Variants in PAN2 observed in about 807,000 individuals in gnomAD.
PAN2 encodes the protein PAN2-PAN3 deadenylation complex catalytic subunit PAN2.
Under a neutral mutation model 133.3 loss-of-function variants are expected in PAN2, and 68 were observed. The observed-to-expected ratio is 0.51, with a 90% CI of 0.42 to 0.62. The LOEUF (loss-of-function observed/expected upper bound fraction) is 0.62. PAN2 is among the 20% of genes least tolerant of loss of function. PAN2 has a pLI of 0.00. For missense variants in PAN2, 1,042 were observed against 1,500.5 expected, an observed-to-expected ratio of 0.69 and a Z score of 5.05; for synonymous variants, 462 against 544.6, an observed-to-expected ratio of 0.85 and a Z score of 2.11.
intron 20 of PAN2, among the ~76,000 whole-genome samples, chr12:56,320,834 G>C (rs1214666125): frequency 6.6e-6 from 1 of 150,620 alleles, no homozygotes; most frequent in Non-Finnish European, 1.5e-5. Flanking sequence ...GAAGGCCAAG[G>C]AGGGTGGATC....
rs756450889 is a variant in PAN2, at chr12:56,319,226, A to G, written c.3271-45T>C. 10 of 1,613,876 alleles carry G rather than the reference A, an allele frequency of 6.2e-6. 1 individual carries two copies. In the East Asian group the frequency reaches 2.2e-4, roughly 36 times the overall value. ...GGGAGACTTAAGGTAGGGGACCTAT[A>G]ATTCCCCATTCTCTAAAGGCACAAT... On this transcript the variant is annotated intron_variant, in intron 23 of 25. Coordinates refer to ENST00000440411, the MANE Select transcript of PAN2 (RefSeq NM_014871.6). This position sits in a 1 kb window ranked among gnomAD's most constrained non-coding sequence, Gnocchi z 5.4.
chr12:56,333,907 C>T lies in PAN2; in HGVS notation c.-160G>A, dbSNP rs556188136. On this transcript the variant is annotated 5_prime_UTR_variant, in exon 1 of 26. Coordinates refer to ENST00000440411, the MANE Select transcript of PAN2 (RefSeq NM_014871.6). The stretch of plus-strand genomic sequence containing the variant: ...TATTTTGGAGCGCGTGGAATTAGAA[C>T]GAGTAGGGGGAGCGCAAGCGCTGTC... 3.9e-5 allele frequency: 6 copies of T among 152,364 alleles called. No homozygotes were observed. The highest frequency in any genetic ancestry group is 2.1e-4 in the South Asian group (1 of 4,826). 9.4% of individuals were successfully genotyped at this position (152,364 alleles called of 1,614,324 possible).
rs895261361 is a variant in PAN2, at chr12:56,323,176, C to A, written c.2379G>T (p.Val793=). 3.7e-6 allele frequency: 6 copies of A among 1,614,196 alleles called. No homozygotes were observed. In the South Asian group the frequency reaches 6.6e-5, roughly 18 times the overall value. The change falls in exon 17 of 26, where the codon GTG becomes GTT. Residue 793 remains valine, a synonymous_variant. Transcript: ENST00000440411. ...KELGSPEGVL[V]CPSIEELKNV... ...TCTTCAACTCCTCAATGGAGGGACACACCAGCACACCCTCTGGACTCCCTA... is the reference window on the plus strand; with the variant it reads ...TCTTCAACTCCTCAATGGAGGGACAAACCAGCACACCCTCTGGACTCCCTA...
chr12:56,323,567 T>A lies in PAN2; in HGVS notation c.2204A>T (p.Asp735Val), dbSNP rs138946880. The stretch of plus-strand genomic sequence containing the variant: ...CACCTCACAATTGATGACAAGAATA[T>A]CTGGCAGATGGCGGATGTTGCGGGT... The part of the protein sequence containing the change: ...IQTRNIRHLP[D>V]ILVINCEVNS... Residue 735 changes from aspartate to valine, a missense_variant, in exon 15 of 26, where the codon GAT (aspartate) becomes GTT (valine). By Grantham distance (152) the Asp-to-Val change is radical. Coordinates refer to ENST00000440411, the MANE Select transcript of PAN2 (RefSeq NM_014871.6). 1.2e-6 allele frequency: 2 copies of A among 1,614,060 alleles called. No individual in the cohort carries two copies. The highest frequency in any genetic ancestry group is 2.7e-5 in the African/African-American group (2 of 74,924).
In PAN2 at chr12:56,319,521, G is replaced by A. The variant is rs915638912; in HGVS notation, c.3091-34C>T. On this transcript the variant is annotated intron_variant, in intron 22 of 25. Coordinates refer to ENST00000440411, the MANE Select transcript of PAN2 (RefSeq NM_014871.6). This position sits in a 1 kb window ranked among gnomAD's most constrained non-coding sequence, Gnocchi z 5.4. ...AGAGAAAAGGACAAGCCTTTTTCAG[G>A]AAGTGAGATGGAGTCTTCCCCTATC... The A allele has an allele frequency of 1.3e-6, 2 of 1,599,902 alleles. No individual in the cohort carries two copies. Among genetic ancestry groups the A allele is most frequent in the Admixed American group, 1.7e-5 (1 of 58,252 alleles).
Position 56,322,167 on chromosome 12 carries a change from T to G in PAN2, c.2699A>C (p.His900Pro). The change falls in exon 20 of 26, where the codon CAT becomes CCT. Residue 900 changes from histidine to proline, a missense_variant and splice_region_variant. Around this residue, in one of 3 missense-constraint regions of PAN2, gnomAD observed 908 missense variants for 1,223.5 expected, o/e 0.74. Coordinates refer to ENST00000440411, the MANE Select transcript of PAN2 (RefSeq NM_014871.6). ...ATTCATGTCAAACTGCACAGCTTCA[T>G]GCTATAGAAGAGAAAAAGCACTTAT... ...NDFLIEPIDK[H>P]EAVQFDMNWK... 6.3e-7 allele frequency: 1 copy of G among 1,590,362 alleles called. No individual in the cohort carries two copies. The highest frequency in any genetic ancestry group is 8.6e-7 in the Non-Finnish European group (1 of 1,158,708).
intron 8 of PAN2, 68 bp downstream of exon 8, chr12:56,326,245 G>A: frequency 7.1e-7 from 1 of 1,408,836 alleles, no homozygotes; most frequent in South Asian, 1.4e-5. Context: ...AGAAAGACTA[G>A]TAAAGGAAAA....
At position 56,318,341 on chromosome 12, in the gene PAN2, C is replaced by T; in HGVS notation, c.3458G>A (p.Gly1153Asp). Residue 1153 changes from glycine to aspartate, a missense_variant, in exon 25 of 26, where the codon GGC (glycine) becomes GAC (aspartate). By Grantham distance (94) the Gly-to-Asp change is moderately conservative (BLOSUM62 -1). This residue lies in a region of PAN2 where 85 missense variants were observed against 116.5 expected (regional missense o/e 0.73). Transcript: ENST00000440411. ...CTTGTGGAAAGACTCAGGCTCAGTG[C>T]CATTTTTGCTTAGCTCCAGATACTT... ...YRKYLELSKN[G>D]TEPESFHKVL... 6.2e-7 allele frequency: 1 copy of T among 1,614,044 alleles called. No individual in the cohort carries two copies. Among genetic ancestry groups the T allele is most frequent in the Non-Finnish European group, 8.5e-7 (1 of 1,179,922 alleles).
chr12:56,320,365 C>T (rs537025029), intron 20 of PAN2, among the ~76,000 whole-genome samples: 21 of 152,260 alleles, frequency 1.4e-4, no homozygotes, highest in African/African-American at 3.6e-4. Flanking sequence ...TAGCCAGGCG[C>T]GGTGGCTAAT....
intron 2 of PAN2, among the ~76,000 whole-genome samples, chr12:56,331,537 C>G (rs898982790): frequency 6.6e-6 from 1 of 152,176 alleles, no homozygotes; most frequent in African/African-American, 2.4e-5. Flanking sequence ...GTCCTGTAAA[C>G]TCCTTGAGGG....
At chr12:56,331,649 A>G (rs2136002125) in intron 2 of PAN2, among the ~76,000 whole-genome samples, 1 of 152,154 alleles carries the variant, frequency 6.6e-6, no homozygotes, top group East Asian at 1.9e-4. Context: ...ATCCCTTCTA[A>G]TGGAAAAACA....
rs761304003 is a variant in PAN2, at chr12:56,326,700, C to G, written c.1179G>C (p.Leu393=). The G allele has an allele frequency of 6.2e-7, 1 of 1,613,990 alleles. No individual in the cohort carries two copies. The highest frequency in any genetic ancestry group is 8.5e-7 in the Non-Finnish European group (1 of 1,179,980). Residue 393 remains leucine (L), a synonymous_variant, in exon 7 of 26, where the codon CTG becomes CTC. Transcript: ENST00000440411. Reference sequence around the variant, plus strand: ...GTGGGACAGGGATGAGGGAAAGAGGCAGCAGGTCCTGGCTCCAGTCCAGAG... The same window carrying G: ...GTGGGACAGGGATGAGGGAAAGAGGGAGCAGGTCCTGGCTCCAGTCCAGAG... ...LPPLDWSQDL[L]PLSLIPVPLT...
chr12:56,324,612 A>G lies in PAN2; in HGVS notation c.1697T>C (p.Met566Thr), dbSNP rs1345939184. The G allele has an allele frequency of 6.2e-7, 1 of 1,614,196 alleles. No homozygotes were observed. Among genetic ancestry groups the G allele is most frequent in the Admixed American group, 1.7e-5 (1 of 60,014 alleles). The change falls in exon 11 of 26, where the codon ATG becomes ACG. Residue 566 changes from methionine to threonine, a missense_variant. Transcript: ENST00000440411. ...AGGGTCACCACGAGAGAGGTCCAAC[A>G]TGTGAAACAGGAAGCCCAGCTCACA... ...LACELGFLFH[M>T]LDLSRGDPCQ...
At chr12:56,322,841 G>T in intron 17 of PAN2, 83 bp from the exon 18 acceptor site, 1 of 1,442,174 alleles carries the variant, frequency 6.9e-7, no homozygotes, top group Non-Finnish European at 9.5e-7. Context: ...AGGGAGTTGG[G>T]GGTATGGGGG....
intron 10 of PAN2, 148 bp from the exon 11 acceptor site, chr12:56,324,857 G>T: frequency 3.7e-6 from 5 of 1,350,480 alleles, no homozygotes; most frequent in Non-Finnish European, 5.1e-6. Context: ...GCTCAGAGGA[G>T]ACTTGAAAGT....
chr12:56,331,901 G>C (rs1875919787), intron 2 of PAN2, among the ~76,000 whole-genome samples: 1 of 151,930 alleles, frequency 6.6e-6, no homozygotes, highest in Admixed American at 6.5e-5. Context: ...TTTTAGTAGA[G>C]ACAGGGTTTC....
At chr12:56,329,030 A>G (rs765845288) in intron 2 of PAN2, among the ~76,000 whole-genome samples, 5 of 152,106 alleles carry the variant, frequency 3.3e-5, no homozygotes, top group East Asian at 1.9e-4. Flanking sequence ...TGCAAATACT[A>G]TATCATTTTC....
chr12:56,331,210 C>G (rs978930826), intron 2 of PAN2, among the ~76,000 whole-genome samples: 6 of 152,152 alleles, frequency 3.9e-5, no homozygotes, highest in Non-Finnish European at 2.9e-5. Flanking sequence ...TAGCATGTGG[C>G]TCAAAAAAAC....
At chr12:56,320,758 T>C (rs1874409579) in intron 20 of PAN2, among the ~76,000 whole-genome samples, 1 of 150,122 alleles carries the variant, frequency 6.7e-6, no homozygotes, top group Non-Finnish European at 1.5e-5. Context: ...TTTTTTTTTT[T>C]TTTTTTTTTT....
Sources: allele counts gnomAD v4.1 joint callset (sites outside exome capture counted in the v4.1 genomes callset), GRCh38; gene constraint gnomAD v4.1.1; regional missense constraint gnomAD v4.1.1; non-coding constraint Gnocchi (gnomAD v3.1); transcripts MANE v1.5; gene names NCBI Gene and HGNC (gene_info 2026-07-23, HGNC 2026-07-21).